The following MYH14 variants were observed in gnomAD, a reference collection of about 807,000 sequenced individuals.
MYH14 encodes the protein myosin heavy chain 14, also known as myosin-14.
MYH14 carries 123 observed loss-of-function variants against 255.5 expected under a neutral mutation model. The ratio of observed to expected loss-of-function variants is 0.48; its 90% CI spans 0.42 to 0.56. MYH14 has a LOEUF of 0.56. Ranked by LOEUF, MYH14 falls within the 20% of genes least tolerant of loss-of-function variation. The pLI is 0.00. For missense variants in MYH14, 2,423 were observed against 2,802.3 expected, an observed-to-expected ratio of 0.86 and a Z score of 3.06; for synonymous variants, 1,095 against 1,161.2, an observed-to-expected ratio of 0.94 and a Z score of 1.16.
At chr19:50,225,837 C>T (rs568062058) in intron 7 of MYH14, among the ~76,000 whole-genome samples, 160 bp downstream of exon 7, 24 of 121,082 alleles carry the variant, frequency 2.0e-4, no homozygotes, top group African/African-American at 5.9e-4. Context: ...GGGCCTGGAC[C>T]CCTGGGTCTG....
At chr19:50,284,081 AAAACAAAAAAC>A (rs1178912691) in intron 33 of MYH14, among the ~76,000 whole-genome samples, 2 of 127,112 alleles carry the variant, frequency 1.6e-5, no homozygotes, top group Admixed American at 7.5e-5. Context: ...TCAAAAAAAC[AAAACAAAAAAC>A]AAAAAAAAAA....
intron 17 of MYH14, 86 bp from the exon 18 acceptor site, chr19:50,257,213 A>C (rs2034622398): frequency 8.8e-7 from 1 of 1,140,844 alleles, no homozygotes; most frequent in Non-Finnish European, 1.2e-6. Flanking sequence ...CAGTTGTGAT[A>C]AATGATAAGA....
rs1568497630 is a variant in MYH14, at chr19:50,249,552, CGA to C, written c.1483-97_1483-96del. On this transcript the variant is annotated intron_variant, in intron 13 of 42. Coordinates refer to ENST00000642316, the MANE Select transcript of MYH14 (RefSeq NM_001145809.2). ...CTCTCTCTGGGTCTCTGTCCCCTCTCGATGCATCTCTGTCCCCTGTCTCTGGG... is the reference window on the plus strand; with the variant it reads ...CTCTCTCTGGGTCTCTGTCCCCTCTCTGCATCTCTGTCCCCTGTCTCTGGG... The C allele has an allele frequency of 9.6e-5, 139 of 1,447,364 alleles. No individual in the cohort carries two copies. In the African/African-American group the frequency reaches 1.4e-3, roughly 15 times the overall value. The allele number at this position is 1,447,364 out of a possible 1,614,324, so 89.7% of individuals were successfully genotyped here. A position where few individuals can be genotyped will look rare whatever the true frequency, so the allele number is the denominator to read the frequency against.
intron 39 of MYH14, among the ~76,000 whole-genome samples, chr19:50,299,106 AAAAG>A (rs1014430515): frequency 3.7e-4 from 57 of 152,230 alleles, no homozygotes; most frequent in Middle Eastern, 3.4e-3. Flanking sequence ...CAAAAAACAA[AAAAG>A]AAAGAAAGAA....
intron 19 of MYH14, 146 bp from the exon 20 acceptor site, chr19:50,260,500 T>C: frequency 1.6e-6 from 1 of 641,684 alleles, no homozygotes; most frequent in Non-Finnish European, 2.9e-6. Flanking sequence ...GCGTGAATGC[T>C]CAGATGTGAG....
chr19:50,230,775 T>C lies in MYH14; in HGVS notation c.973+152T>C. 3.1e-6 allele frequency: 2 copies of C among 651,878 alleles called. No homozygotes were observed. The highest frequency in any genetic ancestry group is 3.6e-5 in the South Asian group (2 of 54,816). The allele number at this position is 651,878 out of a possible 1,614,324, so 40.4% of individuals were successfully genotyped here. A position where few individuals can be genotyped will look rare whatever the true frequency, so the allele number is the denominator to read the frequency against. ...AGGCTCCCGCAGCCCCTGCTCTCGC[T>C]GCGTAGTGGCGTCTGTCGCACGGTG... is the stretch of plus-strand genomic sequence containing the variant. On this transcript the variant is annotated intron_variant, in intron 9 of 42. Transcript: ENST00000642316. The surrounding 1 kb of genome is among the most constrained non-coding windows in gnomAD (Gnocchi z 4.7).
intron 42 of MYH14, 168 bp from the exon 43 acceptor site, chr19:50,309,472 G>T: frequency 1.6e-6 from 1 of 619,354 alleles, no homozygotes; most frequent in Non-Finnish European, 2.9e-6. Flanking sequence ...CATTGCTTCT[G>T]CCCGTCTCCC....
intron 2 of MYH14, among the ~76,000 whole-genome samples, chr19:50,211,783 A>T (rs2032206739): frequency 6.6e-6 from 1 of 151,390 alleles, no homozygotes; most frequent in Admixed American, 6.6e-5. Context: ...GGAGTTCGGG[A>T]CCATCCTGGG....
chr19:50,261,509 G>A lies in MYH14; in HGVS notation c.2459G>A (p.Arg820His), dbSNP rs370765705. The change falls in exon 21 of 43, where the codon CGC (arginine) becomes CAC (histidine). Residue 820 changes from arginine (R) to histidine (H), a missense_variant. Arg to His is a conservative substitution (Grantham distance 29, BLOSUM62 0). Around this residue, in one of 3 missense-constraint regions of MYH14, gnomAD observed 1,513 missense variants for 1,674.8 expected, o/e 0.90. Coordinates refer to ENST00000642316, the MANE Select transcript of MYH14 (RefSeq NM_001145809.2). Reference protein sequence around the residue: ...QALELDPNLYRVGQSKIFFRA... With the variant: ...QALELDPNLYHVGQSKIFFRA... Reference sequence around the variant, plus strand: ...CTGGAACTGGACCCCAACCTCTACCGCGTGGGACAGAGCAAGATCTTCTTC... The same window carrying A: ...CTGGAACTGGACCCCAACCTCTACCACGTGGGACAGAGCAAGATCTTCTTC... The A allele has an allele frequency of 1.2e-5, 18 of 1,461,332 alleles. No homozygotes were observed. The highest frequency in any genetic ancestry group is 5.2e-5 in the African/African-American group (3 of 57,446). 90.5% of individuals were successfully genotyped at this position (1,461,332 alleles called of 1,614,324 possible).
chr19:50,281,847 G>T lies in MYH14; in HGVS notation c.4539+5G>T, dbSNP rs1282523442. 1 of 1,607,872 alleles carries T rather than the reference G, an allele frequency of 6.2e-7. No individual in the cohort carries two copies. Among genetic ancestry groups the T allele is most frequent in the Non-Finnish European group, 8.5e-7 (1 of 1,175,972 alleles). On this transcript the variant is annotated splice_donor_5th_base_variant and intron_variant, in intron 33 of 42. Coordinates refer to ENST00000642316, the MANE Select transcript of MYH14 (RefSeq NM_001145809.2). ...AAGCAGCGCAAGTTTGACCAGGTGG[G>T]GCACCTCAGTTCACCCAGCCGGGGA... is the stretch of plus-strand genomic sequence containing the variant.
At chr19:50,257,946 G>T (rs759686902) in intron 18 of MYH14, among the ~76,000 whole-genome samples, 3 of 152,154 alleles carry the variant, frequency 2.0e-5, no homozygotes, top group Non-Finnish European at 4.4e-5. Context: ...TTGTACAAAG[G>T]CCCAATGGTA....
At position 50,248,968 on chromosome 19, in the gene MYH14, C is replaced by T. The variant is rs1447839324; in HGVS notation, c.1330-19C>T. Reference sequence around the variant, plus strand: ...GCTGATGTGCAGGCTGCGCCCTTACCATGAGCCCTGTCCCACAGGCTGACT... The same window carrying T: ...GCTGATGTGCAGGCTGCGCCCTTACTATGAGCCCTGTCCCACAGGCTGACT... On this transcript the variant is annotated intron_variant, in intron 12 of 42. Transcript: ENST00000642316. 6.2e-7 allele frequency: 1 copy of T among 1,612,586 alleles called. No homozygotes were observed. The highest frequency in any genetic ancestry group is 1.7e-5 in the Admixed American group (1 of 59,986).
chr19:50,300,951 TAA>T (rs34175711), intron 39 of MYH14, among the ~76,000 whole-genome samples: 2 of 142,834 alleles, frequency 1.4e-5, no homozygotes, highest in Admixed American at 7.0e-5. Context: ...TTTTTTAAGT[TAA>T]AAAAAAAAAA....
intron 1 of MYH14, among the ~76,000 whole-genome samples, 175 bp downstream of exon 1, chr19:50,203,846 T>TG (rs915056286): frequency 3.6e-4 from 41 of 113,866 alleles, no homozygotes; most frequent in South Asian, 9.7e-4. Context: ...GCGAGGGAGG[T>TG]GGGGGGGCGG....
chr19:50,224,257 CAG>C lies in MYH14; in HGVS notation c.717+81_717+82del. 1.9e-6 allele frequency: 3 copies of C among 1,593,282 alleles called. No homozygotes were observed. In the South Asian group the frequency reaches 3.3e-5, roughly 18 times the overall value. On this transcript the variant is annotated intron_variant, in intron 6 of 42. Transcript: ENST00000642316. ...CCCAATGCATGATCTTCTTGGTAGA[CAG>C]GGCCCAAGGCAGCAGTGGTCCCACC...
At position 50,280,294 on chromosome 19, in the gene MYH14, G is replaced by A; in HGVS notation, c.4201G>A (p.Ala1401Thr). 6.4e-7 allele frequency: 1 copy of A among 1,551,276 alleles called. No homozygotes were observed. Among genetic ancestry groups the A allele is most frequent in the South Asian group, 1.2e-5 (1 of 84,044 alleles). ...GGGGTCCCGGGTGCGAGCCATGGAG[G>A]CTGAGGCAGCCGGGCTGCGTGAGCA... Reference protein sequence around the residue: ...ALGSRVRAMEAEAAGLREQLE... With the variant: ...ALGSRVRAMETEAAGLREQLE... The change falls in exon 32 of 43, where the codon GCT (alanine) becomes ACT (threonine). Residue 1401 changes from alanine (A) to threonine (T), a missense_variant. Coordinates refer to ENST00000642316, the MANE Select transcript of MYH14 (RefSeq NM_001145809.2). The surrounding 1 kb of genome is among the most constrained non-coding windows in gnomAD (Gnocchi z 4.8).
chr19:50,267,623 AAAT>A (rs56141769), intron 23 of MYH14, among the ~76,000 whole-genome samples: 44 of 149,204 alleles, frequency 2.9e-4, no homozygotes, highest in African/African-American at 8.4e-4. Flanking sequence ...TCTGTCTCAA[AAAT>A]AATAATAATA....
chr19:50,247,928 C>T (rs1416161884), intron 12 of MYH14, among the ~76,000 whole-genome samples: 1 of 151,918 alleles, frequency 6.6e-6, no homozygotes, highest in Non-Finnish European at 1.5e-5. Context: ...GGGTATGTGG[C>T]ACACGCCTGT....
chr19:50,270,892 C>T (rs2035275302), intron 24 of MYH14, among the ~76,000 whole-genome samples: 2 of 152,112 alleles, frequency 1.3e-5, no homozygotes, highest in South Asian at 4.1e-4. Context: ...GATGGGGTTT[C>T]ACCGTGTTAG....
Sources: allele counts gnomAD v4.1 joint callset (sites outside exome capture counted in the v4.1 genomes callset), GRCh38; gene constraint gnomAD v4.1.1; regional missense constraint gnomAD v4.1.1; non-coding constraint Gnocchi (gnomAD v3.1); transcripts MANE v1.5; gene names NCBI Gene and HGNC (gene_info 2026-07-23, HGNC 2026-07-21).